STX6: variants seen among roughly 807,000 people sequenced by gnomAD.
STX6 encodes the protein syntaxin-6.
In STX6, 23 loss-of-function variants were observed where a neutral mutation model predicts 38.0. The observed-to-expected ratio is 0.60, with a 90% CI of 0.43 to 0.86. STX6 has a LOEUF of 0.86. Among genes scored for constraint, STX6 ranks in the 40% least tolerant of loss-of-function variants. STX6 has a pLI of 0.00. For missense variants in STX6, 274 were observed against 312.9 expected, an observed-to-expected ratio of 0.88 and a Z score of 0.94; for synonymous variants, 123 against 107.5, an observed-to-expected ratio of 1.14 and a Z score of -0.89.
chr1:181,002,253 C>A (rs1021696177), intron 3 of STX6, among the ~76,000 whole-genome samples: 21 of 152,104 alleles, frequency 1.4e-4, no homozygotes, highest in Admixed American at 7.2e-4. Flanking sequence ...CCTCCCACCT[C>A]AGCCTCCCAT....
intron 1 of STX6, among the ~76,000 whole-genome samples, chr1:181,015,191 A>G (rs1278230477): frequency 6.6e-6 from 1 of 152,136 alleles, no homozygotes; most frequent in Non-Finnish European, 1.5e-5. Context: ...ACCCCTCTTA[A>G]GCTGATGACT....
intron 1 of STX6, among the ~76,000 whole-genome samples, chr1:181,021,155 C>T (rs1656714781): frequency 6.6e-6 from 1 of 152,116 alleles, no homozygotes; most frequent in East Asian, 1.9e-4. Flanking sequence ...AGGCTTTTGA[C>T]AAATTCCATA....
rs147562861 is a variant in STX6, at chr1:180,976,459, A to G, written c.*111T>C. 1.1e-6 allele frequency: 1 copy of G among 942,742 alleles called. No homozygotes were observed. The highest frequency in any genetic ancestry group is 1.6e-5 in the African/African-American group (1 of 62,394). 58.4% of individuals were successfully genotyped at this position (942,742 alleles called of 1,614,324 possible). A position where few individuals can be genotyped will look rare whatever the true frequency, so the allele number is the denominator to read the frequency against. Reference sequence around the variant, plus strand: ...TCACACGGAGAAAAGTCAGTGCAGCAGTATGTTTCCAGGATAGGAATGTGA... The same window carrying G: ...TCACACGGAGAAAAGTCAGTGCAGCGGTATGTTTCCAGGATAGGAATGTGA... On this transcript the variant is annotated 3_prime_UTR_variant, in exon 8 of 8. Coordinates refer to ENST00000258301, the MANE Select transcript of STX6 (RefSeq NM_005819.6).
rs1474857990 is a variant in STX6 at position 180,976,386 on chromosome 1, C to T, written c.*184G>A. The T allele has an allele frequency of 8.3e-6, 5 of 602,752 alleles. No homozygotes were observed. The highest frequency in any genetic ancestry group is 1.5e-5 in the Non-Finnish European group (5 of 335,076). The allele number at this position is 602,752 out of a possible 1,614,324, so 37.3% of individuals were successfully genotyped here. ...AGTGCAGACATCTATTTCCTCTTCC[C>T]ACTGGCCCTTCCAGCGCTGGGATGG... On this transcript the variant is annotated 3_prime_UTR_variant, in exon 8 of 8. Coordinates refer to ENST00000258301, the MANE Select transcript of STX6 (RefSeq NM_005819.6).
chr1:181,015,984 C>G (rs1656545122), intron 1 of STX6, among the ~76,000 whole-genome samples: 1 of 152,178 alleles, frequency 6.6e-6, no homozygotes, highest in South Asian at 2.1e-4. Flanking sequence ...TTTGTAGAAT[C>G]AGAAGATCTG....
intron 1 of STX6, among the ~76,000 whole-genome samples, chr1:181,009,242 G>A (rs1033970906): frequency 6.6e-6 from 1 of 152,070 alleles, no homozygotes; most frequent in African/African-American, 2.4e-5. Context: ...CAAGGCAGGT[G>A]GATCACTTGA....
intron 3 of STX6, among the ~76,000 whole-genome samples, chr1:181,001,110 G>T (rs1656069076): frequency 6.6e-6 from 1 of 152,124 alleles, no homozygotes; most frequent in South Asian, 2.1e-4. Flanking sequence ...TATATAGAAA[G>T]GCAACTAATG....
chr1:181,012,463 C>T (rs529152424), intron 1 of STX6, among the ~76,000 whole-genome samples: 1 of 152,104 alleles, frequency 6.6e-6, no homozygotes, highest in Non-Finnish European at 1.5e-5. Context: ...AATCATGGAA[C>T]CTGTCATCTT....
intron 3 of STX6, among the ~76,000 whole-genome samples, chr1:181,002,404 T>A (rs1656107763): frequency 6.6e-6 from 1 of 152,026 alleles, no homozygotes; most frequent in South Asian, 2.1e-4. Context: ...TCCACCCACC[T>A]CCACCTCCCA....
chr1:180,979,564 T>C (rs931727249), intron 7 of STX6, among the ~76,000 whole-genome samples: 1 of 152,256 alleles, frequency 6.6e-6, no homozygotes, highest in African/African-American at 2.4e-5. Flanking sequence ...CAGACCTAAA[T>C]GTAAAATGCA....
In STX6 at chr1:180,984,088, A is replaced by AACAC. The variant is rs1655497558; in HGVS notation, c.691+588_691+589insGTGT. Among the ~76,000 whole-genome samples, 3 of 101,374 alleles carry AACAC rather than the reference A, an allele frequency of 3.0e-5. 1 individual carries two copies. Among genetic ancestry groups the AACAC allele is most frequent in the Non-Finnish European group, 7.3e-5 (3 of 41,138 alleles). The allele number at this position is 101,374 out of a possible 152,430, so 66.5% of individuals were successfully genotyped here. A position where few individuals can be genotyped will look rare whatever the true frequency, so the allele number is the denominator to read the frequency against. The stretch of plus-strand genomic sequence containing the variant: ...CAAAAAAAAAAAAAAAAAAAAAAAA[A>AACAC]AACACAACGAAAGTGACTCTACTGG... On this transcript the variant is annotated intron_variant, in intron 7 of 7. Transcript: ENST00000258301.
intron 2 of STX6, 67 bp downstream of exon 2, chr1:181,005,227 A>T: frequency 3.9e-6 from 6 of 1,554,224 alleles, no homozygotes; most frequent in Non-Finnish European, 5.2e-6. Flanking sequence ...TACTGGAAAC[A>T]ACTGGAGAAA....
intron 7 of STX6, 137 bp from the exon 8 acceptor site, chr1:180,976,783 G>A (rs1655269974): frequency 1.4e-6 from 1 of 736,376 alleles, no homozygotes; most frequent in South Asian, 1.7e-5. Context: ...TCTTACACCT[G>A]CCTAGGTGCC....
chr1:180,990,926 C>G (rs925649036), intron 4 of STX6, among the ~76,000 whole-genome samples: 1 of 152,214 alleles, frequency 6.6e-6, no homozygotes, highest in Non-Finnish European at 1.5e-5. Context: ...CTGACCAGAT[C>G]CCCACAAGCC....
At chr1:181,014,401 A>C (rs1050068029) in intron 1 of STX6, among the ~76,000 whole-genome samples, 19 of 152,118 alleles carry the variant, frequency 1.2e-4, no homozygotes, top group Admixed American at 2.0e-4. Context: ...CTCAAAAAAA[A>C]AAAAGAAAAA....
At chr1:180,982,955 T>C (rs927781618) in intron 7 of STX6, among the ~76,000 whole-genome samples, 7 of 152,190 alleles carry the variant, frequency 4.6e-5, no homozygotes, top group African/African-American at 1.7e-4. Context: ...AAAATGACTC[T>C]AGATAGGAGC....
chr1:180,981,904 G>A (rs985475123), intron 7 of STX6, among the ~76,000 whole-genome samples: 1 of 152,140 alleles, frequency 6.6e-6, no homozygotes, highest in Non-Finnish European at 1.5e-5. Flanking sequence ...CAAAAAGTCA[G>A]AGCGGAACAA....
intron 7 of STX6, 59 bp from the exon 8 acceptor site, chr1:180,976,705 G>C: frequency 6.6e-7 from 1 of 1,520,982 alleles, no homozygotes; most frequent in Non-Finnish European, 9.1e-7. Context: ...CCAAGATACA[G>C]TTATATGGAA....
intron 1 of STX6, among the ~76,000 whole-genome samples, chr1:181,013,011 G>T (rs1487224219): frequency 1.3e-5 from 2 of 151,888 alleles, no homozygotes; most frequent in African/African-American, 4.8e-5. Flanking sequence ...GTTGATTCTG[G>T]CAAACCAACC....
Sources: allele counts gnomAD v4.1 joint callset (sites outside exome capture counted in the v4.1 genomes callset), GRCh38; gene constraint gnomAD v4.1.1; transcripts MANE v1.5; gene names NCBI Gene and HGNC (gene_info 2026-07-23, HGNC 2026-07-21).